The following STON1 variants were observed in gnomAD, a reference collection of about 807,000 sequenced individuals.
STON1 encodes stonin-1.
Under a neutral mutation model 60.9 loss-of-function variants are expected in STON1, and 79 were observed. The ratio of observed to expected loss-of-function variants is 1.30; its 90% CI spans 1.08 to 1.56. The LOEUF (loss-of-function observed/expected upper bound fraction) is 1.56, where lower values mean the gene tolerates loss of function less well. Ranked by LOEUF, STON1 falls within the 40% of genes most tolerant of loss-of-function variation. STON1 has a pLI of 0.00. For missense variants in STON1, 1,166 were observed against 858.9 expected (o/e 1.36, Z -4.47); for synonymous variants, 363 against 306.9 (o/e 1.18, Z -1.91).
intron 1 of STON1, among the ~76,000 whole-genome samples, chr2:48,547,598 C>G (rs1228984273): frequency 6.6e-6 from 1 of 152,180 alleles, no homozygotes; most frequent in Non-Finnish European, 1.5e-5. Flanking sequence ...AGTGTGCTTT[C>G]AGGGATATGC....
At chr2:48,553,761 T>G (rs1190896725) in intron 1 of STON1, among the ~76,000 whole-genome samples, 1 of 152,208 alleles carries the variant, frequency 6.6e-6, no homozygotes, top group Non-Finnish European at 1.5e-5. Context: ...GTGCTGGGAT[T>G]ACAGGCGTGA....
chr2:48,533,621 C>T (rs1390631802), intron 1 of STON1, among the ~76,000 whole-genome samples: 1 of 135,746 alleles, frequency 7.4e-6, no homozygotes, highest in Non-Finnish European at 1.5e-5. Flanking sequence ...AAGATTGTGC[C>T]ACTGCACTGG....
At position 48,581,584 on chromosome 2, in the gene STON1, A is replaced by T. The variant is rs781469562; in HGVS notation, c.951A>T (p.Lys317Asn). The change falls in exon 2 of 4, where the codon AAA (lysine) becomes AAT (asparagine). Residue 317 changes from lysine to asparagine, a missense_variant. Physicochemically the swap from Lys to Asn is moderately conservative, Grantham distance 94. Transcript: ENST00000404752. ...TGTATTATGAACAGGGATTAGAAAA[A>T]CCATTTAAAGAGATACAGCTTGATC... ...LQMYYEQGLEKPFKEIQLDPY... is the reference protein window; with the variant it reads ...LQMYYEQGLENPFKEIQLDPY... 6.2e-7 allele frequency: 1 copy of T among 1,614,170 alleles called. No homozygotes were observed. Among genetic ancestry groups the T allele is most frequent in the South Asian group, 1.1e-5 (1 of 91,076 alleles).
At chr2:48,563,130 A>G (rs1485144845) in intron 1 of STON1, among the ~76,000 whole-genome samples, 1 of 152,220 alleles carries the variant, frequency 6.6e-6, no homozygotes, top group Non-Finnish European at 1.5e-5. Flanking sequence ...GGCAGAGTGC[A>G]CACTGGGCAT....
At position 48,581,781 on chromosome 2, in the gene STON1, AC is replaced by A. The variant is rs775628586; in HGVS notation, c.1150del (p.His384MetfsTer7). The A allele has an allele frequency of 3.8e-5, 61 of 1,614,052 alleles. No individual in the cohort carries two copies. The highest frequency in any genetic ancestry group is 4.8e-5 in the Non-Finnish European group (57 of 1,180,042). ...EQMLKLGSTS[Y>X]HDFLDFLTTV... ...ATGCTGAAGTTGGGGTCCACATCGT[AC>A]CATGACTTCCTTGACTTTCTGACTA... On this transcript the variant is annotated frameshift_variant, in exon 2 of 4. Coordinates refer to ENST00000404752, the MANE Select transcript of STON1 (RefSeq NM_006873.4). LOFTEE classifies it high-confidence loss of function.
Position 48,551,055 on chromosome 2 carries a change from C to A in STON1, c.-48+20839C>A, listed in dbSNP as rs115260604. Reference sequence around the variant, plus strand: ...ATTATTATTTTTTCAACTTTTAGATCATTTTAGATCTAGGGGGGTACATTT... The same window carrying A: ...ATTATTATTTTTTCAACTTTTAGATAATTTTAGATCTAGGGGGGTACATTT... On this transcript the variant is annotated intron_variant, in intron 1 of 3. Transcript: ENST00000404752. Among the ~76,000 whole-genome samples, 764 of 151,760 alleles carry A rather than the reference C, an allele frequency of 5.0e-3. 7 individuals are homozygous for A. The highest frequency in any genetic ancestry group is 0.018 in the African/African-American group (730 of 41,386).
Position 48,581,925 on chromosome 2 carries a change from G to C in STON1, c.1292G>C (p.Gly431Ala). The C allele has an allele frequency of 2.5e-6, 4 of 1,614,084 alleles. No homozygotes were observed. Among genetic ancestry groups the C allele is most frequent in the Non-Finnish European group, 2.5e-6 (3 of 1,180,008 alleles). Residue 431 changes from glycine (G) to alanine (A), a missense_variant, in exon 2 of 4, where the codon GGA becomes GCA. Gly to Ala is a moderately conservative substitution (Grantham distance 60). Coordinates refer to ENST00000404752, the MANE Select transcript of STON1 (RefSeq NM_006873.4). ...TTTTGGGGTAAAGTCACAAAAGAAGGAAAATTTGTTGAAAGTGCTGTGATA... is the reference window on the plus strand; with the variant it reads ...TTTTGGGGTAAAGTCACAAAAGAAGCAAAATTTGTTGAAAGTGCTGTGATA... ...DNFWGKVTKE[G>A]KFVESAVITQ...
At chr2:48,586,092 T>C (rs1046125274) in intron 2 of STON1, among the ~76,000 whole-genome samples, 5 of 152,204 alleles carry the variant, frequency 3.3e-5, no homozygotes, top group African/African-American at 1.2e-4. Context: ...CTGGCCAGGG[T>C]AACCACACTT....
intron 1 of STON1, among the ~76,000 whole-genome samples, chr2:48,567,912 C>T (rs1673016698): frequency 7.0e-6 from 1 of 143,620 alleles, no homozygotes; most frequent in South Asian, 2.2e-4. Context: ...TACAGTGTTG[C>T]TCTTGAGGAG....
rs17397707 is a variant in STON1 at position 48,582,490 on chromosome 2, G to T, written c.1857G>T (p.Val619=). 0.086 allele frequency: 139,210 copies of T among 1,614,114 alleles called. 7,104 individuals carry two copies. Among genetic ancestry groups the T allele is most frequent in the Non-Finnish European group, 0.1 (119,452 of 1,179,976 alleles). Reference sequence around the variant, plus strand: ...CTGAACCTGTCATTCAAGTCACTGTGGGGTCAGCAAAATATGAGAGTGCCT... The same window carrying T: ...CTGAACCTGTCATTCAAGTCACTGTTGGGTCAGCAAAATATGAGAGTGCCT... ...LESEPVIQVT[V]GSAKYESAYQ... The change falls in exon 2 of 4, where the codon GTG becomes GTT. Residue 619 remains valine, a synonymous_variant. Coordinates refer to ENST00000404752, the MANE Select transcript of STON1 (RefSeq NM_006873.4).
intron 1 of STON1, among the ~76,000 whole-genome samples, chr2:48,556,285 G>C (rs1672351683): frequency 7.4e-5 from 1 of 13,582 alleles, no homozygotes; most frequent in South Asian, 5.6e-3. Context: ...CTTCCCAGTA[G>C]GGGCGGCCGG....
intron 3 of STON1, among the ~76,000 whole-genome samples, chr2:48,593,707 T>C (rs1674650371): frequency 6.6e-6 from 1 of 152,238 alleles, no homozygotes; most frequent in Admixed American, 6.5e-5. Flanking sequence ...TTATTTCTAT[T>C]AAAAATAGTG....
At chr2:48,553,515 T>G (rs930933478) in intron 1 of STON1, among the ~76,000 whole-genome samples, 10 of 152,018 alleles carry the variant, frequency 6.6e-5, no homozygotes, top group Non-Finnish European at 1.5e-4. Context: ...GAGGTGGAGT[T>G]TTGCTCTTGT....
intron 1 of STON1, among the ~76,000 whole-genome samples, chr2:48,560,476 A>G (rs1293013506): frequency 6.6e-6 from 1 of 152,230 alleles, no homozygotes; most frequent in African/African-American, 2.4e-5. Flanking sequence ...CACAGAACAC[A>G]GATGCCAGCA....
chr2:48,567,252 T>C (rs757513760), intron 1 of STON1, among the ~76,000 whole-genome samples: 2 of 152,242 alleles, frequency 1.3e-5, no homozygotes, highest in Non-Finnish European at 2.9e-5. Flanking sequence ...GCTAATAATA[T>C]GGTTCATGCA....
At chr2:48,549,448 G>T (rs1254965806) in intron 1 of STON1, among the ~76,000 whole-genome samples, 3 of 152,120 alleles carry the variant, frequency 2.0e-5, no homozygotes, top group African/African-American at 4.8e-5. Context: ...TGAATGAGTT[G>T]TTTCCATCTG....
At chr2:48,532,695 C>T (rs1021679569) in intron 1 of STON1, among the ~76,000 whole-genome samples, 1 of 152,166 alleles carries the variant, frequency 6.6e-6, no homozygotes, top group African/African-American at 2.4e-5. Context: ...GTACAAGAGT[C>T]TGCCCAGCAG....
chr2:48,547,493 G>T (rs1482017387), intron 1 of STON1, among the ~76,000 whole-genome samples: 1 of 152,214 alleles, frequency 6.6e-6, no homozygotes, highest in African/African-American at 2.4e-5. Context: ...AGGATGAGAA[G>T]CCCTGAGGCG....
chr2:48,553,724 G>T (rs532383605), intron 1 of STON1, among the ~76,000 whole-genome samples: 1 of 152,288 alleles, frequency 6.6e-6, no homozygotes, highest in South Asian at 2.1e-4. Context: ...CTGATCTCAA[G>T]TGATGCACCT....
Sources: allele counts gnomAD v4.1 joint callset (sites outside exome capture counted in the v4.1 genomes callset), GRCh38; gene constraint gnomAD v4.1.1; transcripts MANE v1.5; gene names NCBI Gene and HGNC (gene_info 2026-07-23, HGNC 2026-07-21).